The following USP34 variants were observed in gnomAD, a reference collection of about 807,000 sequenced individuals.
USP34 encodes ubiquitin carboxyl-terminal hydrolase 34.
USP34 carries 70 observed loss-of-function variants against 460.3 expected under a neutral mutation model. The ratio of observed to expected loss-of-function variants is 0.15; its 90% CI spans 0.13 to 0.19. The LOEUF (loss-of-function observed/expected upper bound fraction) is 0.19. Ranked by LOEUF, USP34 falls within the 10% of genes least tolerant of loss-of-function variation. The pLI is 1.00. For synonymous variants in USP34, 1,647 were observed against 1,405.3 expected (o/e 1.17, Z -3.85); for missense variants, 3,985 against 4,236.2 (o/e 0.94, Z 1.65).
intron 3 of USP34, among the ~76,000 whole-genome samples, chr2:61,399,111 T>C (rs1031536308): frequency 6.6e-6 from 1 of 152,018 alleles, no homozygotes; most frequent in African/African-American, 2.4e-5. Context: ...TCCCAACACT[T>C]TGAGAGGCCT....
intron 29 of USP34, among the ~76,000 whole-genome samples, chr2:61,298,679 G>A (rs939057372): frequency 6.7e-6 from 1 of 149,426 alleles, no homozygotes; most frequent in Admixed American, 6.7e-5. Context: ...ACTGGTCCTG[G>A]TTTTCTCTAC....
Position 61,339,655 on chromosome 2 carries a change from T to G in USP34, c.2527A>C (p.Asn843His). Reference protein sequence around the residue: ...QGPVVHKHQFNSNAVTDINLD... With the variant: ...QGPVVHKHQFHSNAVTDINLD... ...TTAATGTCTGTAACAGCATTACTGTTGAATTGATGTTTATGAACTACAGGT... is the reference window on the plus strand; with the variant it reads ...TTAATGTCTGTAACAGCATTACTGTGGAATTGATGTTTATGAACTACAGGT... Residue 843 changes from asparagine to histidine, a missense_variant, in exon 17 of 80, where the codon AAC becomes CAC. Transcript: ENST00000398571. 1 of 1,540,756 alleles carries G rather than the reference T, an allele frequency of 6.5e-7. No individual in the cohort carries two copies. The highest frequency in any genetic ancestry group is 8.7e-7 in the Non-Finnish European group (1 of 1,152,288).
rs144042653 is a variant in USP34, at chr2:61,301,523, T to C, written c.3818-69A>G. 2.1e-4 allele frequency: 289 copies of C among 1,365,182 alleles called. No homozygotes were observed. The African/African-American group carries it at 3.2e-3, about 15-fold the overall frequency. 84.6% of individuals were successfully genotyped at this position (1,365,182 alleles called of 1,614,324 possible). ...TAACTTACTTGCTGATAAGAATATG[T>C]AGTTGTAGCAATTAAACACACTGTA... On this transcript the variant is annotated intron_variant, in intron 27 of 79. Coordinates refer to ENST00000398571, the MANE Select transcript of USP34 (RefSeq NM_014709.4).
At chr2:61,284,620 C>T (rs1343719039) in intron 35 of USP34, among the ~76,000 whole-genome samples, 1 of 152,070 alleles carries the variant, frequency 6.6e-6, no homozygotes, top group East Asian at 1.9e-4. Context: ...TACTGGTGAA[C>T]AGTCATGATA....
rs942268823 is a variant in USP34 at position 61,222,536 on chromosome 2, C to A, written c.7794+83G>T. ...TGGGAGAAACCCTGATAAATTTGTT[C>A]TCGAGAACAATTAGGCTCATTTGAA... On this transcript the variant is annotated intron_variant, in intron 65 of 79. Transcript: ENST00000398571. 7.1e-5 allele frequency: 80 copies of A among 1,129,120 alleles called. No individual in the cohort carries two copies. The Admixed American group carries it at 1.3e-3, about 19-fold the overall frequency. The allele number at this position is 1,129,120 out of a possible 1,614,324, so 69.9% of individuals were successfully genotyped here. A position where few individuals can be genotyped will look rare whatever the true frequency, so the allele number is the denominator to read the frequency against.
chr2:61,311,464 G>GAAGAAAA, intron 27 of USP34, 76 bp downstream of exon 27: 2 of 84,768 alleles, frequency 2.4e-5, no homozygotes, highest in Non-Finnish European at 3.9e-5. Flanking sequence ...GAAAAGGAAA[G>GAAGAAAA]GAGAAAAGAG....
chr2:61,264,230 G>A (rs982736834), intron 43 of USP34, among the ~76,000 whole-genome samples: 2 of 152,110 alleles, frequency 1.3e-5, no homozygotes, highest in Admixed American at 6.5e-5. Flanking sequence ...AACCACTTGG[G>A]TAAACTATGA....
In USP34 at chr2:61,402,354, G is replaced by A. The variant is rs567743221; in HGVS notation, c.552+3354C>T. On this transcript the variant is annotated intron_variant, in intron 3 of 79. Transcript: ENST00000398571. ...TTAGTACTACTTATGTCCAATTACCGAACCTTTTAAAATATCAGCTTTGAT... is the reference window on the plus strand; with the variant it reads ...TTAGTACTACTTATGTCCAATTACCAAACCTTTTAAAATATCAGCTTTGAT... 7.7e-4 allele frequency among the ~76,000 whole-genome samples: 117 copies of A among 152,162 alleles called. 1 individual carries two copies. The highest frequency in any genetic ancestry group is 2.5e-3 in the African/African-American group (103 of 41,536).
rs1204332227 is a variant in USP34 at position 61,293,614 on chromosome 2, G to A, written c.4462-64C>T. 9.8e-6 allele frequency: 12 copies of A among 1,218,508 alleles called. No individual in the cohort carries two copies. The African/African-American group carries it at 1.8e-4, about 18-fold the overall frequency. The allele number at this position is 1,218,508 out of a possible 1,614,324, so 75.5% of individuals were successfully genotyped here. On this transcript the variant is annotated intron_variant, in intron 32 of 79. Coordinates refer to ENST00000398571, the MANE Select transcript of USP34 (RefSeq NM_014709.4). ...GATATATAATGCAATAATGCTTGTT[G>A]ATTCAGTAACTGGATATGTAAAATA...
At chr2:61,408,939 C>CG (rs565823215) in intron 2 of USP34, among the ~76,000 whole-genome samples, 10 of 151,878 alleles carry the variant, frequency 6.6e-5, no homozygotes, top group African/African-American at 1.7e-4. Context: ...ACTTGAGTGT[C>CG]GGGGGGTGCG....
At chr2:61,304,423 T>C (rs1168541315) in intron 27 of USP34, among the ~76,000 whole-genome samples, 1 of 152,216 alleles carries the variant, frequency 6.6e-6, no homozygotes, top group Non-Finnish European at 1.5e-5. Context: ...ACAAGTGTTA[T>C]GGTTTGAATA....
chr2:61,203,637 A>G (rs1687035447), intron 74 of USP34, among the ~76,000 whole-genome samples: 1 of 152,174 alleles, frequency 6.6e-6, no homozygotes, highest in African/African-American at 2.4e-5. Flanking sequence ...TCTTATAAGA[A>G]CTTCTCAAGT....
intron 57 of USP34, among the ~76,000 whole-genome samples, chr2:61,233,766 T>C (rs1687985027): frequency 6.6e-6 from 1 of 151,948 alleles, no homozygotes; most frequent in Non-Finnish European, 1.5e-5. Flanking sequence ...GCCCAGGATT[T>C]TGAGGTTGCA....
chr2:61,201,932 T>A (rs1232333726), intron 75 of USP34, among the ~76,000 whole-genome samples: 4 of 152,228 alleles, frequency 2.6e-5, no homozygotes, highest in South Asian at 4.1e-4. Context: ...ATGATGGGTT[T>A]TGGCCTTTTA....
intron 15 of USP34, 136 bp from the exon 16 acceptor site, chr2:61,344,165 T>C (rs1356748789): frequency 2.7e-6 from 2 of 750,840 alleles, no homozygotes; most frequent in East Asian, 2.7e-5. Context: ...ATATGGAATG[T>C]TGAGAGCTTT....
At chr2:61,404,500 C>T (rs1693810245) in intron 3 of USP34, among the ~76,000 whole-genome samples, 1 of 152,142 alleles carries the variant, frequency 6.6e-6, no homozygotes, top group Non-Finnish European at 1.5e-5. Context: ...ATTTCAAAGG[C>T]TGTATCATAA....
chr2:61,265,590 C>G (rs766512907), intron 42 of USP34, 33 bp from the exon 43 acceptor site: 15 of 1,568,914 alleles, frequency 9.6e-6, no homozygotes, highest in African/African-American at 1.4e-5. Flanking sequence ...AAGATCCCCC[C>G]CAAACAAACT....
At position 61,379,548 on chromosome 2, in the gene USP34, CAG is replaced by C. The variant is rs1401693298; in HGVS notation, c.1014+619_1014+620del. The stretch of plus-strand genomic sequence containing the variant: ...AACAAAACAAAACAAAACAAAAACC[CAG>C]AAATGTAAAGGAGTAAAGCAAATGG... On this transcript the variant is annotated intron_variant, in intron 7 of 79. Transcript: ENST00000398571. Among the ~76,000 whole-genome samples, 3 of 152,086 alleles carry C rather than the reference CAG, an allele frequency of 2.0e-5. No individual in the cohort carries two copies. The East Asian group carries it at 5.8e-4, about 29-fold the overall frequency.
At chr2:61,400,229 C>T (rs1243511342) in intron 3 of USP34, among the ~76,000 whole-genome samples, 2 of 151,964 alleles carry the variant, frequency 1.3e-5, no homozygotes, top group Non-Finnish European at 2.9e-5. Context: ...CCCGCCTCAG[C>T]CTCCCCAGTA....
Sources: gnomAD v4.1 joint callset for allele counts (sites outside exome capture counted in the v4.1 genomes callset) on GRCh38, gnomAD v4.1.1 for gene constraint, MANE v1.5 for transcripts, NCBI Gene and HGNC (gene_info 2026-07-23, HGNC 2026-07-21) for gene names.